Variants in SUCLG2 observed in about 807,000 individuals in gnomAD.
SUCLG2 encodes succinate-CoA ligase GDP-forming subunit beta.
SUCLG2 carries 42 observed loss-of-function variants against 47.9 expected under a neutral mutation model. The ratio of observed to expected loss-of-function variants is 0.88; its 90% CI spans 0.69 to 1.14. The LOEUF is 1.14. Among genes scored for constraint, SUCLG2 ranks in the 50% most tolerant of loss-of-function variants. The pLI is 0.00. For synonymous variants in SUCLG2, 195 were observed against 197.3 expected (o/e 0.99, Z 0.10); for missense variants, 571 against 525.9 (o/e 1.09, Z -0.84).
chr3:67,372,361 C>T (rs1181067853), downstream of SUCLG2, among the ~76,000 whole-genome samples: 7 of 151,430 alleles, frequency 4.6e-5, no homozygotes, highest in Admixed American at 2.0e-4. Flanking sequence ...ACTGCCTTTG[C>T]AGTAATGTGG....
exon 11 of SUCLG2, chr3:67,360,688 G>C: frequency 6.5e-7 from 1 of 1,527,408 alleles, no homozygotes; most frequent in Non-Finnish European, 8.8e-7. Context: ...ACGTTCTCTT[G>C]GATACCAGTT....
intron 2 of SUCLG2, among the ~76,000 whole-genome samples, chr3:67,587,477 T>C (rs1234010903): frequency 1.3e-5 from 2 of 152,196 alleles, no homozygotes; most frequent in African/African-American, 2.4e-5. Context: ...GCTAATTCAG[T>C]GAAACCTTAA....
At chr3:67,402,875 A>C (rs1702719174) in intron 9 of SUCLG2, among the ~76,000 whole-genome samples, 1 of 152,246 alleles carries the variant, frequency 6.6e-6, no homozygotes, top group Non-Finnish European at 1.5e-5. Context: ...CGATCATTTT[A>C]CAGAGTATAG....
At chr3:67,621,685 A>G (rs1204358936) in intron 1 of SUCLG2, among the ~76,000 whole-genome samples, 1 of 152,156 alleles carries the variant, frequency 6.6e-6, no homozygotes, top group African/African-American at 2.4e-5. Context: ...AAGAGAGATG[A>G]GAGCTAGTAC....
intron 10 of SUCLG2, among the ~76,000 whole-genome samples, chr3:67,361,698 T>A (rs1701805956): frequency 6.6e-6 from 1 of 152,216 alleles, no homozygotes. Flanking sequence ...CTTTCCTGTA[T>A]CCTTGCTTTT....
intron 1 of SUCLG2, among the ~76,000 whole-genome samples, chr3:67,634,719 G>A (rs73092614): frequency 0.014 from 2,073 of 152,138 alleles, 25 homozygotes; most frequent in East Asian, 0.085. Context: ...TCTTTTCCCT[G>A]CCAAGTTCAT....
chr3:67,625,074 T>A (rs776998640), intron 1 of SUCLG2, among the ~76,000 whole-genome samples: 15 of 152,208 alleles, frequency 9.9e-5, no homozygotes, highest in Non-Finnish European at 1.5e-5. Context: ...TACTAATGAC[T>A]CTTCTTTTAG....
chr3:67,474,226 C>T (rs1403850797), intron 9 of SUCLG2, among the ~76,000 whole-genome samples: 1 of 151,626 alleles, frequency 6.6e-6, no homozygotes, highest in African/African-American at 2.4e-5. Context: ...CGCCACTGCA[C>T]TCCAGACTGG....
chr3:67,387,942 T>A (rs951637686), intron 10 of SUCLG2, among the ~76,000 whole-genome samples: 1 of 151,564 alleles, frequency 6.6e-6, no homozygotes, highest in Non-Finnish European at 1.5e-5. Flanking sequence ...TAAAAAAAAA[T>A]GTCAGCTACT....
At chr3:67,514,248 CAAAACTGACAGG>C (rs1559554081) in intron 6 of SUCLG2, 1 of 414,338 alleles carries the variant, frequency 2.4e-6, no homozygotes, top group African/African-American at 2.1e-5. Context: ...ATGATGTATT[CAAAACTGACAGG>C]AATAGGAAAG....
At chr3:67,493,847 G>A (rs1705263793) in intron 9 of SUCLG2, among the ~76,000 whole-genome samples, 1 of 152,172 alleles carries the variant, frequency 6.6e-6, no homozygotes, top group Non-Finnish European at 1.5e-5. Context: ...TACATGATTA[G>A]AGAGCCACTG....
intron 9 of SUCLG2, among the ~76,000 whole-genome samples, chr3:67,469,169 C>T (rs921618264): frequency 6.6e-6 from 1 of 152,082 alleles, no homozygotes; most frequent in Non-Finnish European, 1.5e-5. Flanking sequence ...GGTAGGCTGG[C>T]GAGTTGGGCA....
Position 67,375,813 on chromosome 3 carries a change from G to A in SUCLG2, c.1230C>T (p.Leu410=). The part of the protein sequence containing the change: ...EAQKILNNSG[L]PITSAIDLED... ...CCAGGTCAATGGCTGAAGTAATGGGGAGTCCGCTGTTGTTGAGTATCTTCT... is the reference window on the plus strand; with the variant it reads ...CCAGGTCAATGGCTGAAGTAATGGGAAGTCCGCTGTTGTTGAGTATCTTCT... The change falls in exon 11 of 11, where the codon CTC becomes CTT. Residue 410 remains leucine, a synonymous_variant. Coordinates refer to ENST00000307227, the MANE Select transcript of SUCLG2 (RefSeq NM_003848.4). The A allele has an allele frequency of 6.2e-7, 1 of 1,613,988 alleles. No homozygotes were observed. The highest frequency in any genetic ancestry group is 8.5e-7 in the Non-Finnish European group (1 of 1,179,928).
At position 67,506,131 on chromosome 3, in the gene SUCLG2, G is replaced by T. The variant is rs576465134; in HGVS notation, c.757+2676C>A. Among the ~76,000 whole-genome samples the T allele has an allele frequency of 1.3e-5, 2 of 152,138 alleles. 1 individual carries two copies. Among genetic ancestry groups the T allele is most frequent in the South Asian group, 4.2e-4 (2 of 4,814 alleles). On this transcript the variant is annotated intron_variant, in intron 7 of 10. Coordinates refer to ENST00000307227, the MANE Select transcript of SUCLG2 (RefSeq NM_003848.4). ...TGTTCTGCTACTACTGATCTAAACAGAACTAACAAATACTCAGATTATAAA... is the reference window on the plus strand; with the variant it reads ...TGTTCTGCTACTACTGATCTAAACATAACTAACAAATACTCAGATTATAAA...
intron 1 of SUCLG2, among the ~76,000 whole-genome samples, chr3:67,620,600 AAAAG>A (rs1559600280): frequency 6.6e-6 from 1 of 150,842 alleles, no homozygotes; most frequent in Non-Finnish European, 1.5e-5. Context: ...AAAAAAAAAA[AAAAG>A]AAAGAAAAAA....
intron 2 of SUCLG2, among the ~76,000 whole-genome samples, chr3:67,572,909 T>C (rs1432715688): frequency 3.9e-5 from 6 of 151,996 alleles, no homozygotes; most frequent in East Asian, 1.9e-4. Context: ...TAGTTCTGTA[T>C]AGAGAAAATG....
intron 2 of SUCLG2, among the ~76,000 whole-genome samples, chr3:67,547,135 T>A (rs1455437897): frequency 2.6e-5 from 4 of 152,176 alleles, no homozygotes; most frequent in African/African-American, 9.7e-5. Context: ...ACCTCCTGCA[T>A]GGGATTAGTG....
chr3:67,608,662 G>T (rs955476182), intron 2 of SUCLG2, among the ~76,000 whole-genome samples: 1 of 139,274 alleles, frequency 7.2e-6, no homozygotes, highest in South Asian at 2.3e-4. Flanking sequence ...AAGGGAAGTT[G>T]TTTGTTGTTC....
intron 1 of SUCLG2, among the ~76,000 whole-genome samples, chr3:67,618,290 C>T (rs544749783): frequency 7.2e-5 from 11 of 152,074 alleles, no homozygotes; most frequent in Middle Eastern, 3.4e-3. Context: ...TGTGGTGGTG[C>T]GTGCCTGTAG....
Sources: allele counts gnomAD v4.1 joint callset (sites outside exome capture counted in the v4.1 genomes callset), GRCh38; gene constraint gnomAD v4.1.1; transcripts MANE v1.5; gene names NCBI Gene and HGNC (gene_info 2026-07-23, HGNC 2026-07-21).